The following SLC9B2 variants were observed in gnomAD, a reference collection of about 807,000 sequenced individuals.
The protein encoded by SLC9B2 is sodium/hydrogen exchanger 9B2.
Under a neutral mutation model 52.2 loss-of-function variants are expected in SLC9B2, and 39 were observed. The ratio of observed to expected loss-of-function variants is 0.75; its 90% CI spans 0.58 to 0.98. The LOEUF is 0.98. Among genes scored for constraint, SLC9B2 ranks in the 50% least tolerant of loss-of-function variants. SLC9B2 has a pLI of 0.00. For missense variants in SLC9B2, 626 were observed against 637.5 expected (o/e 0.98, Z 0.19); for synonymous variants, 214 against 227.0 (o/e 0.94, Z 0.51).
rs187859919 is a variant in SLC9B2 at position 103,045,011 on chromosome 4, A to T, written c.890-15T>A. 456 of 1,569,872 alleles carry T rather than the reference A, an allele frequency of 2.9e-4. No homozygotes were observed. The highest frequency in any genetic ancestry group is 4.2e-4 in the Admixed American group (25 of 59,002). ...GACAGTAGAGCCTGAAAAATATATT[A>T]AAAAAACTTAGAGCTCTAAATCCAA... On this transcript the variant is annotated splice_polypyrimidine_tract_variant and intron_variant, in intron 7 of 11. Transcript: ENST00000394785.
chr4:103,026,904 T>C (rs1174158033), intron 11 of SLC9B2, among the ~76,000 whole-genome samples: 2 of 152,148 alleles, frequency 1.3e-5, no homozygotes, highest in African/African-American at 4.8e-5. Flanking sequence ...GGTTTTGTTT[T>C]GTTTTGTTTT....
In SLC9B2 at chr4:103,043,462, T is replaced by A; in HGVS notation, c.997-17A>T. 6.3e-7 allele frequency: 1 copy of A among 1,581,428 alleles called. No homozygotes were observed. The highest frequency in any genetic ancestry group is 8.6e-7 in the Non-Finnish European group (1 of 1,167,010). On this transcript the variant is annotated splice_polypyrimidine_tract_variant and intron_variant, in intron 8 of 11. Transcript: ENST00000394785. Reference sequence around the variant, plus strand: ...AAGTTTGTCCTTTAGGAGAAAAAAATTCATTTGCTCAATTATTTCAAATCC... The same window carrying A: ...AAGTTTGTCCTTTAGGAGAAAAAAAATCATTTGCTCAATTATTTCAAATCC...
Position 103,067,588 on chromosome 4 carries a change from G to A in SLC9B2, c.-38C>T, listed in dbSNP as rs751659668. 7.4e-5 allele frequency: 109 copies of A among 1,480,062 alleles called. No individual in the cohort carries two copies. The highest frequency in any genetic ancestry group is 2.0e-4 in the Middle Eastern group (1 of 5,078). 91.7% of individuals were successfully genotyped at this position (1,480,062 alleles called of 1,614,324 possible). A position where few individuals can be genotyped will look rare whatever the true frequency, so the allele number is the denominator to read the frequency against. On this transcript the variant is annotated 5_prime_UTR_variant, in exon 2 of 12. Transcript: ENST00000394785. ...AGAAGATGACACAGGGAAGAGGAAC[G>A]AGATCTGTTTTGAAAGAGTATAGAT... is the stretch of plus-strand genomic sequence containing the variant.
chr4:103,038,686 A>G (rs1743380060), intron 9 of SLC9B2, among the ~76,000 whole-genome samples: 1 of 152,216 alleles, frequency 6.6e-6, no homozygotes, highest in African/African-American at 2.4e-5. Context: ...GTTAAGATAA[A>G]TGGAAGTTTC....
chr4:103,069,904 C>A (rs528345894), intron 1 of SLC9B2, among the ~76,000 whole-genome samples: 2 of 152,194 alleles, frequency 1.3e-5, no homozygotes, highest in East Asian at 3.9e-4. Context: ...GAAGCCTTTG[C>A]GAACAAATTT....
chr4:103,075,290 CGG>C (rs1747018893), intron 1 of SLC9B2, among the ~76,000 whole-genome samples: 1 of 152,114 alleles, frequency 6.6e-6, no homozygotes, highest in African/African-American at 2.4e-5. Flanking sequence ...GCTGGAATTA[CGG>C]GCGTGCACCA....
chr4:103,060,542 T>G (rs1464398098), intron 3 of SLC9B2, among the ~76,000 whole-genome samples: 2 of 43,064 alleles, frequency 4.6e-5, no homozygotes, highest in Non-Finnish European at 8.3e-5. Context: ...TTTTTGTTTG[T>G]TTTTTTTTTT....
intron 1 of SLC9B2, among the ~76,000 whole-genome samples, chr4:103,067,909 A>G (rs1746290002): frequency 2.0e-5 from 3 of 152,174 alleles, no homozygotes; most frequent in South Asian, 2.1e-4. Context: ...GTCCTCTCTC[A>G]TGGGCCAACT....
Position 103,023,870 on chromosome 4 carries a change from G to T in SLC9B2, c.*2500C>A, listed in dbSNP as rs1435176238. On this transcript the variant is annotated 3_prime_UTR_variant, in exon 12 of 12. Coordinates refer to ENST00000394785, the MANE Select transcript of SLC9B2 (RefSeq NM_178833.7). The stretch of plus-strand genomic sequence containing the variant: ...GCATTCTGATTTAGTTATACTAACT[G>T]TATTATGTATAAGTTAATAAATATT... 6.6e-6 allele frequency among the ~76,000 whole-genome samples: 1 copy of T among 152,196 alleles called. No individual in the cohort carries two copies. Among genetic ancestry groups the T allele is most frequent in the Non-Finnish European group, 1.5e-5 (1 of 68,022 alleles).
chr4:103,064,009 G>A (rs1161536191), intron 3 of SLC9B2, among the ~76,000 whole-genome samples: 2 of 152,210 alleles, frequency 1.3e-5, no homozygotes, highest in African/African-American at 4.8e-5. Flanking sequence ...GGGTTGGCAA[G>A]GATGTAGAGA....
chr4:103,067,416 G>C (rs768089663), intron 2 of SLC9B2, 45 bp downstream of exon 2: 1 of 1,528,624 alleles, frequency 6.5e-7, no homozygotes, highest in Non-Finnish European at 9.0e-7. Context: ...GTAAATGAGT[G>C]GTAGAATATG....
chr4:103,047,180 G>A lies in SLC9B2; in HGVS notation c.760C>T (p.Leu254Phe). 3 of 1,613,878 alleles carry A rather than the reference G, an allele frequency of 1.9e-6. No individual in the cohort carries two copies. Among genetic ancestry groups the A allele is most frequent in the Non-Finnish European group, 2.5e-6 (3 of 1,179,916 alleles). ...CCATAGCCTCCTCCCTGCAAAAGGA[G>A]CATTGAAGGCACCACAACAGCTGGA... ...VSPAVVVPSM[L>F]LLQGGGYGVE... Residue 254 changes from leucine to phenylalanine, a missense_variant, in exon 7 of 12, where the codon CTC (leucine) becomes TTC (phenylalanine). Physicochemically the swap from Leu to Phe is conservative, Grantham distance 22. Transcript: ENST00000394785.
In SLC9B2 at chr4:103,024,517, G is replaced by C. The variant is rs2110562751; in HGVS notation, c.*1853C>G. Reference sequence around the variant, plus strand: ...AGTTTTGAATAGAGGTGAAAGCCATGGTGGATAGGGCTCGAACAGAAGTCT... The same window carrying C: ...AGTTTTGAATAGAGGTGAAAGCCATCGTGGATAGGGCTCGAACAGAAGTCT... On this transcript the variant is annotated 3_prime_UTR_variant, in exon 12 of 12. Coordinates refer to ENST00000394785, the MANE Select transcript of SLC9B2 (RefSeq NM_178833.7). 6.6e-6 allele frequency among the ~76,000 whole-genome samples: 1 copy of C among 152,346 alleles called. No homozygotes were observed. Among genetic ancestry groups the C allele is most frequent in the South Asian group, 2.1e-4 (1 of 4,826 alleles).
chr4:103,068,725 G>C (rs142421990), intron 1 of SLC9B2, among the ~76,000 whole-genome samples: 1 of 152,218 alleles, frequency 6.6e-6, no homozygotes, highest in African/African-American at 2.4e-5. Flanking sequence ...TGAGTATCTT[G>C]ATAGAGGTAC....
At chr4:103,030,810 C>G (rs563547271) in intron 10 of SLC9B2, among the ~76,000 whole-genome samples, 1 of 152,036 alleles carries the variant, frequency 6.6e-6, no homozygotes, top group Non-Finnish European at 1.5e-5. Context: ...TTTCATCTCA[C>G]AGAATTTAAA....
intron 8 of SLC9B2, 40 bp downstream of exon 8, chr4:103,044,850 T>C (rs372374529): frequency 1.4e-6 from 2 of 1,461,460 alleles, no homozygotes; most frequent in African/African-American, 1.4e-5. Flanking sequence ...TTCCCAATGA[T>C]ATTTCAGAGC....
At chr4:103,072,821 T>C (rs1746783756) in intron 1 of SLC9B2, among the ~76,000 whole-genome samples, 1 of 152,236 alleles carries the variant, frequency 6.6e-6, no homozygotes, top group Admixed American at 6.5e-5. Context: ...TGAATGTTTG[T>C]GTCCCTCCAA....
rs145875376 is a variant in SLC9B2 at position 103,071,081 on chromosome 4, A to T, written c.-42-3489T>A. 2.3e-3 allele frequency among the ~76,000 whole-genome samples: 357 copies of T among 152,276 alleles called. 3 individuals are homozygous for T. The Middle Eastern group carries it at 0.048, about 20-fold the overall frequency. On this transcript the variant is annotated intron_variant, in intron 1 of 11. Coordinates refer to ENST00000394785, the MANE Select transcript of SLC9B2 (RefSeq NM_178833.7). The stretch of plus-strand genomic sequence containing the variant: ...AAACAGAAAAAAAAAATCCTTTAAC[A>T]GCAGTTGCCTTTGGGAAGGGAAATG...
intron 9 of SLC9B2, among the ~76,000 whole-genome samples, chr4:103,039,797 C>A (rs1246212053): frequency 6.6e-6 from 1 of 151,774 alleles, no homozygotes; most frequent in Non-Finnish European, 1.5e-5. Flanking sequence ...TAGGCGCATA[C>A]CACCATGCCC....
Sources: gnomAD v4.1 joint callset for allele counts (sites outside exome capture counted in the v4.1 genomes callset) on GRCh38, gnomAD v4.1.1 for gene constraint, MANE v1.5 for transcripts, NCBI Gene and HGNC (gene_info 2026-07-23, HGNC 2026-07-21) for gene names.